RPS6: variants seen among roughly 807,000 people sequenced by gnomAD.
RPS6 encodes small ribosomal subunit protein eS6.
A neutral mutation model predicts 27.1 loss-of-function variants in RPS6; 1 was observed. The observed-to-expected ratio is 0.04, with a 90% confidence interval of 0.01 to 0.18. RPS6 has a LOEUF of 0.18. RPS6 is among the 10% of genes least tolerant of loss of function. The pLI, the probability that RPS6 is intolerant of heterozygous loss-of-function variation, is 1.00. For missense variants in RPS6, 259 were observed against 319.1 expected (o/e 0.81, Z 1.44); for synonymous variants, 152 against 106.0 (o/e 1.43, Z -2.66).
rs115585453 is a variant in RPS6 at position 19,379,011 on chromosome 9, G to A, written c.139-93C>T. On this transcript the variant is annotated intron_variant, in intron 2 of 5. Coordinates refer to ENST00000380394, the MANE Select transcript of RPS6 (RefSeq NM_001010.3). ...GACCTCTGTGAACACACCTATATGA[G>A]AAAGTATAATTATGAAAACCAATTT... is the stretch of plus-strand genomic sequence containing the variant. 342 of 1,224,640 alleles carry A rather than the reference G, an allele frequency of 2.8e-4. 3 individuals are homozygous for A. The African/African-American group carries it at 4.5e-3, about 16-fold the overall frequency. The allele number at this position is 1,224,640 out of a possible 1,614,324, so 75.9% of individuals were successfully genotyped here.
At chr9:19,377,039 ATTTCC>A (rs1829600331) in intron 4 of RPS6, among the ~76,000 whole-genome samples, 1 of 152,160 alleles carries the variant, frequency 6.6e-6, no homozygotes, top group African/African-American at 2.4e-5. Context: ...TTGCATCTCT[ATTTCC>A]TTTGACAATT....
chr9:19,377,107 T>TTA (rs1322455088), intron 4 of RPS6, among the ~76,000 whole-genome samples: 1 of 152,208 alleles, frequency 6.6e-6, no homozygotes, highest in East Asian at 1.9e-4. Flanking sequence ...GGTGGCATGT[T>TTA]GTTAAAGTAT....
chr9:19,379,373 C>T (rs1022578305), intron 2 of RPS6, 114 bp downstream of exon 2: 28 of 1,556,812 alleles, frequency 1.8e-5, no homozygotes, highest in East Asian at 4.8e-5. Flanking sequence ...TCGGAAGCAA[C>T]TTACCAAAGG....
chr9:19,379,675 A>G, intron 1 of RPS6, 57 bp from the exon 2 acceptor site: 3 of 1,547,038 alleles, frequency 1.9e-6, no homozygotes, highest in South Asian at 2.5e-5. Context: ...GTAATTGTAG[A>G]GCCATCTACA....
chr9:19,376,230 A>C lies in RPS6; in HGVS notation c.*63T>G. The C allele has an allele frequency of 7.4e-7, 1 of 1,356,076 alleles. No individual in the cohort carries two copies. The highest frequency in any genetic ancestry group is 1.0e-6 in the Non-Finnish European group (1 of 967,224). The allele number at this position is 1,356,076 out of a possible 1,614,324, so 84.0% of individuals were successfully genotyped here. A position where few individuals can be genotyped will look rare whatever the true frequency, so the allele number is the denominator to read the frequency against. On this transcript the variant is annotated 3_prime_UTR_variant, in exon 6 of 6. Transcript: ENST00000380394. ...CCTCTCTTCATTTATGTAGTTTTCTATCAGCAATGAAAAGTCAACAGAGAT... is the reference window on the plus strand; with the variant it reads ...CCTCTCTTCATTTATGTAGTTTTCTCTCAGCAATGAAAAGTCAACAGAGAT...
chr9:19,378,439 C>T lies in RPS6; in HGVS notation c.425G>A (p.Arg142His), dbSNP rs1829624868. 1 of 1,613,914 alleles carries T rather than the reference C, an allele frequency of 6.2e-7. No individual in the cohort carries two copies. Among genetic ancestry groups the T allele is most frequent in the Non-Finnish European group, 8.5e-7 (1 of 1,179,954 alleles). ...TTCTTTAGAGAGATTGAAAAGTTTG[C>T]GGATTCTGCTAGCTCTTTTGGGGCC... ...RLGPKRASRI[R>H]KLFNLSKEDD... Residue 142 changes from arginine to histidine, a missense_variant, in exon 4 of 6, where the codon CGC (arginine) becomes CAC (histidine). Physicochemically the swap from Arg to His is conservative, Grantham distance 29 (BLOSUM62 0). Coordinates refer to ENST00000380394, the MANE Select transcript of RPS6 (RefSeq NM_001010.3).
At position 19,376,165 on chromosome 9, in the gene RPS6, A is replaced by G; in HGVS notation, c.*128T>C. The G allele has an allele frequency of 1.3e-6, 1 of 759,894 alleles. No individual in the cohort carries two copies. Among genetic ancestry groups the G allele is most frequent in the Non-Finnish European group, 2.1e-6 (1 of 465,298 alleles). The allele number at this position is 759,894 out of a possible 1,614,324, so 47.1% of individuals were successfully genotyped here. On this transcript the variant is annotated 3_prime_UTR_variant, in exon 6 of 6. Coordinates refer to ENST00000380394, the MANE Select transcript of RPS6 (RefSeq NM_001010.3). ...GTCTGACTTTATCCACCATTGGAAT[A>G]CCATATATACATATCCCCATTTTCT... is the stretch of plus-strand genomic sequence containing the variant.
At chr9:19,379,052 TTC>T (rs1829635861) in intron 2 of RPS6, 134 bp from the exon 3 acceptor site, 8 of 943,974 alleles carry the variant, frequency 8.5e-6, no homozygotes, top group South Asian at 1.8e-5. Flanking sequence ...TAAGCACGTT[TTC>T]TCTGTTCAGT....
At position 19,378,733 on chromosome 9, in the gene RPS6, A is replaced by C. The variant is rs1272010777; in HGVS notation, c.324T>G (p.Val108=). 1 of 1,614,036 alleles carries C rather than the reference A, an allele frequency of 6.2e-7. No homozygotes were observed. The highest frequency in any genetic ancestry group is 8.5e-7 in the Non-Finnish European group (1 of 1,179,998). ...RGCIVDANLS[V]LNLVIVKKGE... ...CTTTTTTTACAATAACCAAGTTGAG[A>C]ACGCTCAGATTTGCATCCACAATGC... The change falls in exon 3 of 6, where the codon GTT becomes GTG. Residue 108 remains valine, a synonymous_variant. Transcript: ENST00000380394.
chr9:19,379,732 C>G (rs1829648329), intron 1 of RPS6, 114 bp from the exon 2 acceptor site: 1 of 1,507,976 alleles, frequency 6.6e-7, no homozygotes, highest in Non-Finnish European at 8.8e-7. Flanking sequence ...TCCACACAAG[C>G]AGGAAATATA....
intron 2 of RPS6, 69 bp from the exon 3 acceptor site, chr9:19,378,987 A>T (rs1829634828): frequency 1.4e-5 from 20 of 1,398,368 alleles, no homozygotes; most frequent in Non-Finnish European, 1.9e-5. Flanking sequence ...CAGGATTGTG[A>T]CCTCTGTGAA....
intron 1 of RPS6, 157 bp from the exon 2 acceptor site, chr9:19,379,775 A>C: frequency 6.8e-7 from 1 of 1,468,774 alleles, no homozygotes; most frequent in South Asian, 1.4e-5. Context: ...AAGCACGTGA[A>C]AGCAGAGTAG....
chr9:19,379,994 C>T, intron 1 of RPS6, 196 bp downstream of exon 1: 1 of 1,463,720 alleles, frequency 6.8e-7, no homozygotes, highest in Non-Finnish European at 9.0e-7. Context: ...CCCGGCCCGC[C>T]GCGGCTCCAG....
chr9:19,378,157 C>A (rs895614925), intron 4 of RPS6, among the ~76,000 whole-genome samples: 1 of 152,114 alleles, frequency 6.6e-6, no homozygotes, highest in Non-Finnish European at 1.5e-5. Context: ...AGATTTTCAA[C>A]GAAATTACTG....
At chr9:19,376,777 A>G (rs1829595518) in intron 4 of RPS6, 126 bp from the exon 5 acceptor site, 1 of 828,776 alleles carries the variant, frequency 1.2e-6, no homozygotes, top group African/African-American at 1.7e-5. Context: ...GGCCTTTAAA[A>G]TCAAATCAGA....
chr9:19,379,585 T>C lies in RPS6; in HGVS notation c.40A>G (p.Lys14Glu). 1 of 1,614,120 alleles carries C rather than the reference T, an allele frequency of 6.2e-7. No homozygotes were observed. Reference protein sequence around the residue: ...NISFPATGCQKLIEVDDERKL... With the variant: ...NISFPATGCQELIEVDDERKL... Reference sequence around the variant, plus strand: ...CGTTCATCGTCCACTTCAATGAGTTTCTGGCAGCCAGTGGCTGGGAAGGAG... The same window carrying C: ...CGTTCATCGTCCACTTCAATGAGTTCCTGGCAGCCAGTGGCTGGGAAGGAG... Residue 14 changes from lysine to glutamate, a missense_variant, in exon 2 of 6, where the codon AAA becomes GAA. Transcript: ENST00000380394.
intron 4 of RPS6, among the ~76,000 whole-genome samples, chr9:19,377,914 TGGG>T (rs895681139): frequency 9.9e-5 from 15 of 152,244 alleles, no homozygotes; most frequent in African/African-American, 3.6e-4. Flanking sequence ...CCCAGCACTT[TGGG>T]AAGCCAAAGT....
intron 1 of RPS6, 54 bp from the exon 2 acceptor site, chr9:19,379,672 T>G (rs1230948982): frequency 6.4e-7 from 1 of 1,551,996 alleles, no homozygotes. Flanking sequence ...CAGGTAATTG[T>G]AGAGCCATCT....
Position 19,379,593 on chromosome 9 carries a change from C to T in RPS6, c.32G>A (p.Gly11Asp). ...GTCCACTTCAATGAGTTTCTGGCAG[C>T]CAGTGGCTGGGAAGGAGATGTTCAG... is the stretch of plus-strand genomic sequence containing the variant. MKLNISFPAT[G>D]CQKLIEVDDE... is the part of the protein sequence containing the mutation. The change falls in exon 2 of 6, where the codon GGC becomes GAC. Residue 11 changes from glycine (G) to aspartate (D), a missense_variant. By Grantham distance (94) the Gly-to-Asp change is moderately conservative (BLOSUM62 -1). Around this residue, in one of 3 missense-constraint regions of RPS6, gnomAD observed 65 missense variants for 66.6 expected, o/e 0.98. Coordinates refer to ENST00000380394, the MANE Select transcript of RPS6 (RefSeq NM_001010.3). 6.2e-7 allele frequency: 1 copy of T among 1,613,924 alleles called. No individual in the cohort carries two copies. Among genetic ancestry groups the T allele is most frequent in the Non-Finnish European group, 8.5e-7 (1 of 1,179,876 alleles).
Sources: allele counts gnomAD v4.1 joint callset (sites outside exome capture counted in the v4.1 genomes callset), GRCh38; gene constraint gnomAD v4.1.1; regional missense constraint gnomAD v4.1.1; transcripts MANE v1.5; gene names NCBI Gene and HGNC (gene_info 2026-07-23, HGNC 2026-07-21).